Variants in ZNF554 observed in about 807,000 individuals in gnomAD.
ZNF554 encodes the protein zinc finger protein 554.
A neutral mutation model predicts 21.2 loss-of-function variants in ZNF554; 15 were observed. The observed-to-expected ratio is 0.71, with a 90% CI of 0.47 to 1.09. The LOEUF (loss-of-function observed/expected upper bound fraction) is 1.09. Among genes scored for constraint, ZNF554 ranks in the 50% least tolerant of loss-of-function variants. The pLI is 0.00. For synonymous variants in ZNF554, 258 were observed against 251.4 expected (o/e 1.03, Z -0.25); for missense variants, 691 against 662.7 (o/e 1.04, Z -0.47).
chr19:2,832,799 C>T (rs928370106), intron 4 of ZNF554, among the ~76,000 whole-genome samples: 1 of 152,188 alleles, frequency 6.6e-6, no homozygotes, highest in Admixed American at 6.5e-5. Context: ...CCTCACCTTC[C>T]TGGGCTCAAG....
intron 2 of ZNF554, among the ~76,000 whole-genome samples, chr19:2,825,015 T>C (rs1205102413): frequency 6.7e-6 from 1 of 148,324 alleles, no homozygotes; most frequent in Non-Finnish European, 1.5e-5. Flanking sequence ...TTTTTTTTTT[T>C]TTTTTTTTTT....
intron 3 of ZNF554, among the ~76,000 whole-genome samples, chr19:2,828,820 G>A (rs2087372529): frequency 6.6e-6 from 1 of 152,106 alleles, no homozygotes; most frequent in Non-Finnish European, 1.5e-5. Flanking sequence ...AGAGAGCAGG[G>A]GAAACCTTAT....
chr19:2,819,870 T>A lies in ZNF554; in HGVS notation c.-202T>A. 3.1e-6 allele frequency: 1 copy of A among 319,590 alleles called. No homozygotes were observed. The highest frequency in any genetic ancestry group is 5.6e-6 in the Non-Finnish European group (1 of 178,268). The allele number at this position is 319,590 out of a possible 1,614,324, so 19.8% of individuals were successfully genotyped here. A position where few individuals can be genotyped will look rare whatever the true frequency, so the allele number is the denominator to read the frequency against. ...GCAGGTTCGGGGTGCGCAGGCGCAG[T>A]GCCGAGTTTACCTCTGCGCGCGTCG... On this transcript the variant is annotated 5_prime_UTR_variant, in exon 1 of 5. Coordinates refer to ENST00000317243, the MANE Select transcript of ZNF554 (RefSeq NM_001102651.2).
At chr19:2,823,494 C>T (rs1043715448) in intron 2 of ZNF554, among the ~76,000 whole-genome samples, 4 of 152,130 alleles carry the variant, frequency 2.6e-5, no homozygotes, top group African/African-American at 9.7e-5. Context: ...GATTGAGCAG[C>T]TCCTCCCTGT....
intron 2 of ZNF554, among the ~76,000 whole-genome samples, chr19:2,824,990 C>T (rs117682991): frequency 0.031 from 4,442 of 145,592 alleles, 108 homozygotes; most frequent in Non-Finnish European, 0.048. Flanking sequence ...CTGAGCATAA[C>T]GTGATTGCAG....
At chr19:2,820,684 C>CTTTTGTTTTTTTTTTTTTTT (rs2087250485) in intron 1 of ZNF554, among the ~76,000 whole-genome samples, 1 of 103,192 alleles carries the variant, frequency 9.7e-6, no homozygotes, top group Non-Finnish European at 2.0e-5. Context: ...AGCAAGGGTC[C>CTTTTGTTTTTTTTTTTTTTT]TTTTTTTTTT....
Position 2,820,004 on chromosome 19 carries a change from AGGCC to A in ZNF554, c.-59_-56del. ...GAGGCGTCCCAGGGACACGCAGGGG[AGGCC>A]GGCCGGCCTGCACGGGGCGCTCCCG... On this transcript the variant is annotated 5_prime_UTR_variant, in exon 1 of 5. Coordinates refer to ENST00000317243, the MANE Select transcript of ZNF554 (RefSeq NM_001102651.2). 1 of 1,141,864 alleles carries A rather than the reference AGGCC, an allele frequency of 8.8e-7. No individual in the cohort carries two copies. Among genetic ancestry groups the A allele is most frequent in the Non-Finnish European group, 1.1e-6 (1 of 917,234 alleles). The allele number at this position is 1,141,864 out of a possible 1,614,324, so 70.7% of individuals were successfully genotyped here.
chr19:2,823,018 A>G (rs1377270764), intron 1 of ZNF554, 22 bp from the exon 2 acceptor site: 2 of 1,610,828 alleles, frequency 1.2e-6, no homozygotes, highest in African/African-American at 2.7e-5. Context: ...TGGTATTCGC[A>G]GCGCCTTTTT....
chr19:2,823,814 C>T (rs1003778211), intron 2 of ZNF554, among the ~76,000 whole-genome samples: 9 of 152,114 alleles, frequency 5.9e-5, no homozygotes, highest in African/African-American at 1.7e-4. Context: ...AGGGCTTTTA[C>T]GGACCTCAGA....
chr19:2,828,606 G>T (rs2087368558), intron 3 of ZNF554, among the ~76,000 whole-genome samples: 1 of 151,662 alleles, frequency 6.6e-6, no homozygotes, highest in Admixed American at 6.6e-5. Flanking sequence ...GGCAGAGGTT[G>T]CAGGGTTGCA....
chr19:2,820,684 C>CTTTTTTTTGTTTTTTTTTTTT lies in ZNF554; in HGVS notation c.53+568_53+569insGTTTTTTTTTTTTTTTTTTTT, dbSNP rs2087250572. Among the ~76,000 whole-genome samples the CTTTTTTTTGTTTTTTTTTTTT allele has an allele frequency of 1.9e-5, 2 of 103,192 alleles. 1 individual carries two copies. Among genetic ancestry groups the CTTTTTTTTGTTTTTTTTTTTT allele is most frequent in the African/African-American group, 7.7e-5 (2 of 26,116 alleles). The allele number at this position is 103,192 out of a possible 152,430, so 67.7% of individuals were successfully genotyped here. On this transcript the variant is annotated intron_variant, in intron 1 of 4. Transcript: ENST00000317243. Reference sequence around the variant, plus strand: ...TCCTGGTGATAAGACAGCAAGGGTCCTTTTTTTTTTTTTTTTGAGACGGAG... The same window carrying CTTTTTTTTGTTTTTTTTTTTT: ...TCCTGGTGATAAGACAGCAAGGGTCCTTTTTTTTGTTTTTTTTTTTTTTTTTTTTTTTTTTTTGAGACGGAG...
chr19:2,820,014 G>T lies in ZNF554; in HGVS notation c.-58G>T, dbSNP rs1220819019. 60 of 1,179,836 alleles carry T rather than the reference G, an allele frequency of 5.1e-5. No individual in the cohort carries two copies. Among genetic ancestry groups the T allele is most frequent in the Non-Finnish European group, 5.5e-5 (52 of 950,610 alleles). The allele number at this position is 1,179,836 out of a possible 1,614,324, so 73.1% of individuals were successfully genotyped here. On this transcript the variant is annotated 5_prime_UTR_variant, in exon 1 of 5. Transcript: ENST00000317243. ...AGGGACACGCAGGGGAGGCCGGCCG[G>T]CCTGCACGGGGCGCTCCCGCCTCGG...
At chr19:2,827,961 G>T (rs1345601538) in intron 3 of ZNF554, among the ~76,000 whole-genome samples, 1 of 152,186 alleles carries the variant, frequency 6.6e-6, no homozygotes, top group East Asian at 1.9e-4. Context: ...GTAGGCAAGA[G>T]AGCTTGTGCA....
intron 1 of ZNF554, among the ~76,000 whole-genome samples, chr19:2,822,620 C>T (rs571360623): frequency 5.3e-5 from 8 of 152,130 alleles, no homozygotes; most frequent in Non-Finnish European, 1.2e-4. Context: ...CGTCTCACAC[C>T]TTTAATCCCA....
chr19:2,826,856 G>A (rs1452133333), intron 2 of ZNF554, among the ~76,000 whole-genome samples: 1 of 152,024 alleles, frequency 6.6e-6, no homozygotes, highest in Non-Finnish European at 1.5e-5. Context: ...TAGAGACGGG[G>A]TTTCACTGCG....
At position 2,835,535 on chromosome 19, in the gene ZNF554, C is replaced by T. The variant is rs1438100287; in HGVS notation, c.*683C>T. On this transcript the variant is annotated 3_prime_UTR_variant, in exon 5 of 5. Coordinates refer to ENST00000317243, the MANE Select transcript of ZNF554 (RefSeq NM_001102651.2). Reference sequence around the variant, plus strand: ...CATTGCCAAGACTGGTCTTGAACTCCTGGGGTCAAGCATCCTCCTGTCTTG... The same window carrying T: ...CATTGCCAAGACTGGTCTTGAACTCTTGGGGTCAAGCATCCTCCTGTCTTG... 3 of 151,994 alleles carry T rather than the reference C, an allele frequency of 2.0e-5. No individual in the cohort carries two copies. The highest frequency in any genetic ancestry group is 6.5e-5 in the Admixed American group (1 of 15,270). 9.4% of individuals were successfully genotyped at this position (151,994 alleles called of 1,614,324 possible).
Position 2,834,068 on chromosome 19 carries a change from G to T in ZNF554, c.833G>T (p.Cys278Phe), listed in dbSNP as rs539613842. 1.2e-6 allele frequency: 2 copies of T among 1,614,120 alleles called. No homozygotes were observed. The highest frequency in any genetic ancestry group is 2.7e-5 in the African/African-American group (2 of 75,054). ...CGGAGACCTTGTGAAAGTAATGAAT[G>T]TGGAAATGCCATCCGCCAGAACAGT... Reference protein sequence around the residue: ...ADRRPCESNECGNAIRQNSHF... With the variant: ...ADRRPCESNEFGNAIRQNSHF... The change falls in exon 5 of 5, where the codon TGT (cysteine) becomes TTT (phenylalanine). Residue 278 changes from cysteine (C) to phenylalanine (F), a missense_variant. By Grantham distance (205) the Cys-to-Phe change is radical. Transcript: ENST00000317243.
chr19:2,830,438 C>T (rs1433536372), intron 3 of ZNF554: 1 of 152,232 alleles, frequency 6.6e-6, no homozygotes, highest in African/African-American at 2.4e-5. Context: ...CACCTTTCCG[C>T]TGTTGTGAAT....
chr19:2,834,921 G>A lies in ZNF554; in HGVS notation c.*69G>A, dbSNP rs1381320759. 28 of 1,379,222 alleles carry A rather than the reference G, an allele frequency of 2.0e-5. No homozygotes were observed. The allele number at this position is 1,379,222 out of a possible 1,614,324, so 85.4% of individuals were successfully genotyped here. A position where few individuals can be genotyped will look rare whatever the true frequency, so the allele number is the denominator to read the frequency against. On this transcript the variant is annotated 3_prime_UTR_variant, in exon 5 of 5. Coordinates refer to ENST00000317243, the MANE Select transcript of ZNF554 (RefSeq NM_001102651.2). ...CATACATGTGGTTATCTTTTGCCCT[G>A]TTGTGATGGATAATTTGAAAAGAAG... is the stretch of plus-strand genomic sequence containing the variant.
Sources: gnomAD v4.1 joint callset for allele counts (sites outside exome capture counted in the v4.1 genomes callset) on GRCh38, gnomAD v4.1.1 for gene constraint, MANE v1.5 for transcripts, NCBI Gene and HGNC (gene_info 2026-07-23, HGNC 2026-07-21) for gene names.